Variants in VPS37B observed in about 807,000 individuals in gnomAD.
The protein encoded by VPS37B is VPS37B subunit of ESCRT-I, also known as vacuolar protein sorting-associated protein 37B.
A neutral mutation model predicts 21.2 loss-of-function variants in VPS37B; 11 were observed. That is an observed-to-expected ratio of 0.52 (90% CI 0.33 to 0.86). The LOEUF (loss-of-function observed/expected upper bound fraction) is 0.86. Ranked by LOEUF, VPS37B falls within the 40% of genes least tolerant of loss-of-function variation. The pLI, the probability that VPS37B is intolerant of heterozygous loss-of-function variation, is 0.03. For synonymous variants in VPS37B, 175 were observed against 159.6 expected (o/e 1.10, Z -0.73); for missense variants, 389 against 374.8 (o/e 1.04, Z -0.31).
intron 1 of VPS37B, among the ~76,000 whole-genome samples, chr12:122,890,901 G>A (rs939403899): frequency 6.6e-6 from 1 of 152,134 alleles, no homozygotes; most frequent in African/African-American, 2.4e-5. Context: ...CCCTTACAAT[G>A]CCCTGCACAG....
At chr12:122,895,765 CT>C (rs1240517955) in intron 1 of VPS37B, among the ~76,000 whole-genome samples, 186 bp downstream of exon 1, 2 of 151,720 alleles carry the variant, frequency 1.3e-5, no homozygotes, top group Admixed American at 1.3e-4. Flanking sequence ...CTCAGGCCCC[CT>C]ATTCCTGCCT....
intron 1 of VPS37B, among the ~76,000 whole-genome samples, chr12:122,894,883 C>T (rs2034467532): frequency 6.6e-6 from 1 of 152,120 alleles, no homozygotes; most frequent in African/African-American, 2.4e-5. Context: ...AGCCCCAAAC[C>T]CCCATTTTAA....
chr12:122,894,449 G>T (rs757029086), intron 1 of VPS37B, among the ~76,000 whole-genome samples: 1 of 152,224 alleles, frequency 6.6e-6, no homozygotes, highest in Non-Finnish European at 1.5e-5. Flanking sequence ...CAGGGATTTT[G>T]AATGTGCAAC....
At chr12:122,871,681 G>A (rs1481816161) in intron 1 of VPS37B, 2 of 985,546 alleles carry the variant, frequency 2.0e-6, no homozygotes, top group African/African-American at 1.7e-5. Flanking sequence ...GGGGAAGAGG[G>A]GGGACATATT....
Position 122,868,705 on chromosome 12 carries a change from C to A in VPS37B, c.284-143G>T. ...AAAACCTACAGGGGAACAAGTGCACCAAGCCAGTGCCCAGGGGCCAACATC... is the reference window on the plus strand; with the variant it reads ...AAAACCTACAGGGGAACAAGTGCACAAAGCCAGTGCCCAGGGGCCAACATC... On this transcript the variant is annotated intron_variant, in intron 2 of 3. Coordinates refer to ENST00000267202, the MANE Select transcript of VPS37B (RefSeq NM_024667.3). The surrounding 1 kb of genome is among the most constrained non-coding windows in gnomAD (Gnocchi z 5.5). The A allele has an allele frequency of 2.8e-6, 2 of 709,488 alleles. No homozygotes were observed. The highest frequency in any genetic ancestry group is 4.8e-6 in the Non-Finnish European group (2 of 417,054). The allele number at this position is 709,488 out of a possible 1,614,324, so 43.9% of individuals were successfully genotyped here. A position where few individuals can be genotyped will look rare whatever the true frequency, so the allele number is the denominator to read the frequency against.
At chr12:122,895,497 G>A (rs1034394970) in intron 1 of VPS37B, among the ~76,000 whole-genome samples, 3 of 141,008 alleles carry the variant, frequency 2.1e-5, no homozygotes, top group Non-Finnish European at 4.6e-5. Context: ...CCGCTCCTCC[G>A]ACCAAACCAA....
intron 1 of VPS37B, among the ~76,000 whole-genome samples, chr12:122,893,584 TACACCCATTCCGAGAAAGGC>T (rs1319211304): frequency 1.3e-5 from 2 of 152,186 alleles, no homozygotes; most frequent in East Asian, 3.8e-4. Flanking sequence ...CGGTTCACAT[TACACCCATTCCGAGAAAGGC>T]ACACCACACA....
At chr12:122,871,120 G>T in intron 1 of VPS37B, 59 bp from the exon 2 acceptor site, 1 of 1,588,198 alleles carries the variant, frequency 6.3e-7, no homozygotes, top group Non-Finnish European at 8.6e-7. Flanking sequence ...AAACCCCTGA[G>T]GTCCCCACGC....
intron 1 of VPS37B, chr12:122,883,203 T>C (rs1257897667): frequency 1.3e-5 from 2 of 152,168 alleles, no homozygotes; most frequent in Non-Finnish European, 2.9e-5. Context: ...GATAGCTATT[T>C]TTATCGGAGA....
chr12:122,884,931 T>C (rs1222053119), intron 1 of VPS37B: 3 of 152,246 alleles, frequency 2.0e-5, no homozygotes, highest in South Asian at 2.1e-4. Context: ...ATTAAGACTG[T>C]ATCTTTTGAC....
chr12:122,870,874 A>G lies in VPS37B; in HGVS notation c.283+16T>C. On this transcript the variant is annotated intron_variant, in intron 2 of 3. Transcript: ENST00000267202. Reference sequence around the variant, plus strand: ...CTCAACTCTTTATTCTCGAATGATCACCCTTAAAAAGTTACCTAATTTGGT... The same window carrying G: ...CTCAACTCTTTATTCTCGAATGATCGCCCTTAAAAAGTTACCTAATTTGGT... 6.3e-7 allele frequency: 1 copy of G among 1,598,548 alleles called. No individual in the cohort carries two copies. Among genetic ancestry groups the G allele is most frequent in the Non-Finnish European group, 8.5e-7 (1 of 1,170,932 alleles).
At chr12:122,871,440 C>T in intron 1 of VPS37B, 1 of 994,576 alleles carries the variant, frequency 1.0e-6, no homozygotes. Context: ...CAAGTTTCTG[C>T]TGCTCCCGAG....
At chr12:122,887,033 T>C (rs910679770) in intron 1 of VPS37B, 1 of 152,344 alleles carries the variant, frequency 6.6e-6, no homozygotes, top group African/African-American at 2.4e-5. Context: ...TTCTAGTTTT[T>C]CCCCACAGTC....
At chr12:122,872,278 A>G in intron 1 of VPS37B, 1 of 985,484 alleles carries the variant, frequency 1.0e-6, no homozygotes. Flanking sequence ...CCTTGGATCC[A>G]TGCCTCAATC....
At position 122,868,667 on chromosome 12, in the gene VPS37B, T is replaced by C. The variant is rs766819497; in HGVS notation, c.284-105A>G. 7.8e-5 allele frequency: 80 copies of C among 1,021,914 alleles called. 1 individual carries two copies. Among genetic ancestry groups the C allele is most frequent in the Non-Finnish European group, 1.1e-4 (75 of 682,364 alleles). 63.3% of individuals were successfully genotyped at this position (1,021,914 alleles called of 1,614,324 possible). ...GCACCTTCCTTTCCAGGAAGCTGAATGTGAAAGGCTTGAAAACCTACAGGG... is the reference window on the plus strand; with the variant it reads ...GCACCTTCCTTTCCAGGAAGCTGAACGTGAAAGGCTTGAAAACCTACAGGG... On this transcript the variant is annotated intron_variant, in intron 2 of 3. Transcript: ENST00000267202. The surrounding 1 kb of genome is among the most constrained non-coding windows in gnomAD (Gnocchi z 5.5).
intron 1 of VPS37B, chr12:122,882,735 TTTACA>T (rs1431459762): frequency 6.6e-6 from 1 of 152,232 alleles, no homozygotes; most frequent in African/African-American, 2.4e-5. Flanking sequence ...GAGTTTGAGC[TTTACA>T]TTAAAGGCTA....
At chr12:122,885,871 G>A (rs2034319444) in intron 1 of VPS37B, 1 of 150,536 alleles carries the variant, frequency 6.6e-6, no homozygotes, top group Admixed American at 6.6e-5. Flanking sequence ...TTTTAGTAGA[G>A]ACGGGGTTTC....
Position 122,865,423 on chromosome 12 carries a change from G to C in VPS37B, c.*1693C>G. ...TGGACAGCGACGGCGAGCCCGGCCA[G>C]GGGCCGCTTTGCAACTTCAATGCCA... is the stretch of plus-strand genomic sequence containing the variant. On this transcript the variant is annotated 3_prime_UTR_variant, in exon 4 of 4. Coordinates refer to ENST00000267202, the MANE Select transcript of VPS37B (RefSeq NM_024667.3). 1 of 152,272 alleles carries C rather than the reference G, an allele frequency of 6.6e-6. No homozygotes were observed. The highest frequency in any genetic ancestry group is 6.5e-5 in the Admixed American group (1 of 15,288). 9.4% of individuals were successfully genotyped at this position (152,272 alleles called of 1,614,324 possible). A position where few individuals can be genotyped will look rare whatever the true frequency, so the allele number is the denominator to read the frequency against.
intron 1 of VPS37B, chr12:122,876,375 A>C (rs2034149987): frequency 6.6e-6 from 1 of 152,108 alleles, no homozygotes; most frequent in South Asian, 2.1e-4. Context: ...GTCTCTTTTT[A>C]TCTCTTGGGA....
Sources: gnomAD v4.1 joint callset for allele counts (sites outside exome capture counted in the v4.1 genomes callset) on GRCh38, gnomAD v4.1.1 for gene constraint, Gnocchi (gnomAD v3.1) non-coding constraint, MANE v1.5 for transcripts, NCBI Gene and HGNC (gene_info 2026-07-23, HGNC 2026-07-21) for gene names.